SERPINI1: variants seen among roughly 807,000 people sequenced by gnomAD.
SERPINI1 encodes neuroserpin.
SERPINI1 carries 19 observed loss-of-function variants against 41.1 expected under a neutral mutation model. The ratio of observed to expected loss-of-function variants is 0.46; its 90% CI spans 0.32 to 0.68. The LOEUF (loss-of-function observed/expected upper bound fraction) is 0.68, where lower values mean the gene tolerates loss of function less well. Among genes scored for constraint, SERPINI1 ranks in the 30% least tolerant of loss-of-function variants. The pLI, the probability that SERPINI1 is intolerant of heterozygous loss-of-function variation, is 0.03. For synonymous variants in SERPINI1, 138 were observed against 156.6 expected, an observed-to-expected ratio of 0.88 and a Z score of 0.89; for missense variants, 460 against 479.2, an observed-to-expected ratio of 0.96 and a Z score of 0.37.
At chr3:167,786,690 C>G (rs975501206) in intron 1 of SERPINI1, among the ~76,000 whole-genome samples, 6 of 151,732 alleles carry the variant, frequency 4.0e-5, no homozygotes, top group South Asian at 4.1e-4. Context: ...ACACTGTATA[C>G]TTTGGCTATA....
chr3:167,767,578 A>T (rs1726607306), intron 1 of SERPINI1, among the ~76,000 whole-genome samples: 1 of 152,114 alleles, frequency 6.6e-6, no homozygotes, highest in Admixed American at 6.6e-5. Flanking sequence ...GTAAATTGAA[A>T]TTTTTCTGGA....
At chr3:167,764,295 G>A (rs1256912356) in intron 1 of SERPINI1, among the ~76,000 whole-genome samples, 4 of 152,118 alleles carry the variant, frequency 2.6e-5, no homozygotes, top group African/African-American at 2.4e-5. Context: ...TTTATACAGG[G>A]AAAAGGGTTT....
At chr3:167,813,623 G>T (rs903858007) in intron 6 of SERPINI1, among the ~76,000 whole-genome samples, 1 of 152,094 alleles carries the variant, frequency 6.6e-6, no homozygotes, top group Non-Finnish European at 1.5e-5. Flanking sequence ...TTCCTAAATG[G>T]TTTACTTTTC....
chr3:167,789,058 G>T (rs1727406633), intron 1 of SERPINI1, 53 bp from the exon 2 acceptor site: 1 of 1,559,078 alleles, frequency 6.4e-7, no homozygotes, highest in Non-Finnish European at 8.8e-7. Context: ...CCTTCCATGA[G>T]ACTTTTGTTA....
chr3:167,793,658 G>A (rs901160372), intron 4 of SERPINI1, among the ~76,000 whole-genome samples: 19 of 150,526 alleles, frequency 1.3e-4, no homozygotes, highest in African/African-American at 4.4e-4. Context: ...GAGGCTGAAG[G>A]AGGAAGATCA....
chr3:167,739,914 G>A (rs1256489290), intron 1 of SERPINI1, among the ~76,000 whole-genome samples: 1 of 151,572 alleles, frequency 6.6e-6, no homozygotes, highest in Non-Finnish European at 1.5e-5. Context: ...TTTTTTAGTA[G>A]TAAAATTAAT....
intron 5 of SERPINI1, among the ~76,000 whole-genome samples, chr3:167,801,167 G>A (rs985573661): frequency 3.9e-5 from 6 of 152,176 alleles, no homozygotes; most frequent in Admixed American, 3.3e-4. Context: ...TTTCTACAAA[G>A]GGTATGATTG....
intron 6 of SERPINI1, among the ~76,000 whole-genome samples, chr3:167,817,356 C>T (rs946058653): frequency 5.3e-5 from 8 of 151,830 alleles, no homozygotes; most frequent in African/African-American, 1.9e-4. Flanking sequence ...GTAAAATATC[C>T]ACAGATGAGT....
At chr3:167,772,618 C>T (rs1290054231) in intron 1 of SERPINI1, among the ~76,000 whole-genome samples, 1 of 151,802 alleles carries the variant, frequency 6.6e-6, no homozygotes, top group African/African-American at 2.4e-5. Flanking sequence ...AAAGTGAAGT[C>T]AAGAGAATTG....
chr3:167,781,279 C>A (rs114880403), intron 1 of SERPINI1, among the ~76,000 whole-genome samples: 1,644 of 152,052 alleles, frequency 0.011, 37 homozygotes, highest in African/African-American at 0.038. Flanking sequence ...TTTCCAAACA[C>A]CATGATAAAG....
At chr3:167,761,035 CT>C (rs1168876449) in intron 1 of SERPINI1, among the ~76,000 whole-genome samples, 1 of 152,140 alleles carries the variant, frequency 6.6e-6, no homozygotes, top group Admixed American at 6.6e-5. Context: ...ATATAAGAAC[CT>C]TTAACCTAAC....
chr3:167,803,231 CTA>C (rs1253787120), intron 5 of SERPINI1, among the ~76,000 whole-genome samples: 2 of 151,542 alleles, frequency 1.3e-5, no homozygotes, highest in Non-Finnish European at 1.5e-5. Context: ...ACATATGTAA[CTA>C]ACCTGCACAT....
At position 167,801,672 on chromosome 3, in the gene SERPINI1, A is replaced by C. The variant is rs559585984; in HGVS notation, c.882-5572A>C. ...AATCATTAAATAATATATTATTCAT[A>C]AAAGGATTTGCATAGTGCCTGAAAC... On this transcript the variant is annotated intron_variant, in intron 5 of 8. Transcript: ENST00000446050. Among the ~76,000 whole-genome samples, 8 of 152,242 alleles carry C rather than the reference A, an allele frequency of 5.3e-5. No individual in the cohort carries two copies. The South Asian group carries it at 1.7e-3, about 32-fold the overall frequency.
At chr3:167,825,191 T>G in intron 8 of SERPINI1, 56 bp from the exon 9 acceptor site, 1 of 1,071,156 alleles carries the variant, frequency 9.3e-7, no homozygotes, top group Non-Finnish European at 1.5e-6. Context: ...AGAAGGAAGA[T>G]AAATATTTTA....
At chr3:167,807,607 C>T (rs545899842) in intron 6 of SERPINI1, among the ~76,000 whole-genome samples, 1 of 152,076 alleles carries the variant, frequency 6.6e-6, no homozygotes, top group East Asian at 1.9e-4. Context: ...TTTGGATTCC[C>T]CATCCCATCT....
chr3:167,817,644 C>T (rs1402741053), intron 6 of SERPINI1, among the ~76,000 whole-genome samples: 1 of 152,036 alleles, frequency 6.6e-6, no homozygotes, highest in Non-Finnish European at 1.5e-5. Flanking sequence ...GTCGCCCAGG[C>T]TCGAGTGCAG....
chr3:167,799,216 C>T (rs777493775), intron 5 of SERPINI1, among the ~76,000 whole-genome samples: 8 of 152,048 alleles, frequency 5.3e-5, no homozygotes, highest in African/African-American at 1.4e-4. Context: ...CAACAGGCCC[C>T]GGTGTGTGAT....
chr3:167,818,994 G>A (rs1333414496), intron 6 of SERPINI1, among the ~76,000 whole-genome samples: 1 of 152,138 alleles, frequency 6.6e-6, no homozygotes, highest in Non-Finnish European at 1.5e-5. Context: ...CTGGGTTCTA[G>A]CACCTTTGTA....
At chr3:167,748,459 A>G (rs1195965472) in intron 1 of SERPINI1, among the ~76,000 whole-genome samples, 1 of 152,250 alleles carries the variant, frequency 6.6e-6, no homozygotes. Context: ...TATGTCAGTC[A>G]CATAGAACTA....
Sources: allele counts gnomAD v4.1 joint callset (sites outside exome capture counted in the v4.1 genomes callset), GRCh38; gene constraint gnomAD v4.1.1; transcripts MANE v1.5; gene names NCBI Gene and HGNC (gene_info 2026-07-23, HGNC 2026-07-21).